SLCO1B3: variants seen among roughly 807,000 people sequenced by gnomAD.
SLCO1B3 encodes solute carrier organic anion transporter family member 1B3, also known as liver-specific organic anion transporter 2.
A neutral mutation model predicts 71.8 loss-of-function variants in SLCO1B3; 72 were observed. The observed-to-expected ratio is 1.00, with a 90% CI of 0.83 to 1.22. The LOEUF is 1.22. SLCO1B3 is among the 50% of genes most tolerant of loss of function. SLCO1B3 has a pLI of 0.00. For synonymous variants in SLCO1B3, 298 were observed against 278.4 expected (o/e 1.07, Z -0.70); for missense variants, 911 against 819.7 (o/e 1.11, Z -1.36).
At chr12:20,860,862 G>A (rs79425652) in intron 5 of SLCO1B3, among the ~76,000 whole-genome samples, 155 bp from the exon 6 acceptor site, 1 of 152,064 alleles carries the variant, frequency 6.6e-6, no homozygotes, top group African/African-American at 2.4e-5. Context: ...CTCATCACCT[G>A]TTCTGAAATA....
intron 3 of SLCO1B3, among the ~76,000 whole-genome samples, chr12:20,853,076 T>C (rs1037172343): frequency 3.3e-5 from 5 of 152,276 alleles, no homozygotes; most frequent in African/African-American, 1.2e-4. Context: ...GATTTAATTT[T>C]GTATGTTAAA....
At chr12:20,904,193 T>C (rs60642787) in intron 15 of SLCO1B3, among the ~76,000 whole-genome samples, 4,820 of 147,074 alleles carry the variant, frequency 0.033, 232 homozygotes, top group African/African-American at 0.11. Context: ...TGGGCCGAGA[T>C]CACACCACTA....
At chr12:20,901,585 T>C (rs559012870) in intron 15 of SLCO1B3, 118 bp downstream of exon 15, 1 of 568,524 alleles carries the variant, frequency 1.8e-6, no homozygotes, top group African/African-American at 1.9e-5. Flanking sequence ...TAGTGAACAA[T>C]TACTTTGTAT....
chr12:20,904,702 G>A (rs1866201179), intron 15 of SLCO1B3, among the ~76,000 whole-genome samples: 1 of 144,190 alleles, frequency 6.9e-6, no homozygotes, highest in Non-Finnish European at 1.5e-5. Context: ...CCCTAGTATA[G>A]GTTTTTCATG....
At chr12:20,869,088 A>G (rs1865428329) in intron 8 of SLCO1B3, among the ~76,000 whole-genome samples, 1 of 152,168 alleles carries the variant, frequency 6.6e-6, no homozygotes, top group South Asian at 2.1e-4. Context: ...GGCAAGCCTG[A>G]CTAATATCAC....
chr12:20,821,885 G>A (rs936490781), intron 3 of SLCO1B3, among the ~76,000 whole-genome samples: 7 of 152,152 alleles, frequency 4.6e-5, no homozygotes, highest in Admixed American at 1.3e-4. Flanking sequence ...TTGGGTCCAC[G>A]GATAAAACAT....
intron 15 of SLCO1B3, 49 bp downstream of exon 15, chr12:20,901,516 G>A (rs972180343): frequency 1.1e-5 from 11 of 960,154 alleles, no homozygotes; most frequent in African/African-American, 8.1e-5. Context: ...CTTTGTCTAT[G>A]TTAATGTCTA....
chr12:20,823,385 T>G (rs543677727), intron 3 of SLCO1B3, among the ~76,000 whole-genome samples: 4 of 152,108 alleles, frequency 2.6e-5, no homozygotes, highest in African/African-American at 9.6e-5. Flanking sequence ...TCAGGAAAAA[T>G]TTTAGACTTT....
At position 20,861,250 on chromosome 12, in the gene SLCO1B3, A is replaced by G. The variant is rs1865260175; in HGVS notation, c.481+112A>G. 4 of 971,048 alleles carry G rather than the reference A, an allele frequency of 4.1e-6. No homozygotes were observed. In the South Asian group the frequency reaches 7.2e-5, roughly 17 times the overall value. The allele number at this position is 971,048 out of a possible 1,614,324, so 60.2% of individuals were successfully genotyped here. On this transcript the variant is annotated intron_variant, in intron 6 of 15. Coordinates refer to ENST00000381545, the MANE Select transcript of SLCO1B3 (RefSeq NM_019844.4). ...TGATTTAAGAACAAATAGGAAGAAC[A>G]TTTATCCCTTACATACAGACAAAAT...
intron 9 of SLCO1B3, among the ~76,000 whole-genome samples, chr12:20,876,050 T>G (rs1426591464): frequency 6.6e-6 from 1 of 150,718 alleles, no homozygotes; most frequent in African/African-American, 2.4e-5. Flanking sequence ...TTCTTGGTAA[T>G]TAAAATTATA....
chr12:20,843,439 A>G (rs1200113231), intron 3 of SLCO1B3, among the ~76,000 whole-genome samples: 1 of 152,192 alleles, frequency 6.6e-6, no homozygotes, highest in African/African-American at 2.4e-5. Context: ...TTGAATGACT[A>G]CATGGCTAAA....
intron 13 of SLCO1B3, among the ~76,000 whole-genome samples, chr12:20,895,011 G>A (rs1406342938): frequency 6.6e-6 from 1 of 152,150 alleles, no homozygotes; most frequent in Non-Finnish European, 1.5e-5. Flanking sequence ...TGCAGGAAAA[G>A]TACGCATTAT....
intron 15 of SLCO1B3, among the ~76,000 whole-genome samples, chr12:20,914,907 C>CT (rs1866462756): frequency 1.3e-5 from 2 of 152,024 alleles, no homozygotes; most frequent in African/African-American, 4.8e-5. Flanking sequence ...ATAAGGTTTG[C>CT]TTTTCCTTTT....
At position 20,860,991 on chromosome 12, in the gene SLCO1B3, T is replaced by C. The variant is rs748414119; in HGVS notation, c.360-26T>C. 4 of 1,540,884 alleles carry C rather than the reference T, an allele frequency of 2.6e-6. No homozygotes were observed. In the East Asian group the frequency reaches 9.4e-5, roughly 36 times the overall value. On this transcript the variant is annotated intron_variant, in intron 5 of 15. Transcript: ENST00000381545. Reference sequence around the variant, plus strand: ...GAAAATATTCAGTAGATAAGCAAAATGTTCAATTTCATGTTGCTCTTACAG... The same window carrying C: ...GAAAATATTCAGTAGATAAGCAAAACGTTCAATTTCATGTTGCTCTTACAG...
At position 20,913,445 on chromosome 12, in the gene SLCO1B3, A is replaced by G. The variant is rs186298589; in HGVS notation, c.1866-2559A>G. ...TGCAGCTCTATCATTTTCTCCTCAC[A>G]TATTTAGACACTCCATTTTTACATG... is the stretch of plus-strand genomic sequence containing the variant. On this transcript the variant is annotated intron_variant, in intron 15 of 15. Transcript: ENST00000381545. 3.9e-5 allele frequency among the ~76,000 whole-genome samples: 6 copies of G among 152,234 alleles called. No homozygotes were observed. In the East Asian group the frequency reaches 1.2e-3, roughly 29 times the overall value.
At chr12:20,911,362 C>T (rs1055566484) in intron 15 of SLCO1B3, among the ~76,000 whole-genome samples, 1 of 152,088 alleles carries the variant, frequency 6.6e-6, no homozygotes, top group Non-Finnish European at 1.5e-5. Flanking sequence ...TTTTTGAGAA[C>T]TTCTGCACCT....
At chr12:20,861,962 G>A (rs1033852037) in intron 6 of SLCO1B3, among the ~76,000 whole-genome samples, 4 of 151,720 alleles carry the variant, frequency 2.6e-5, no homozygotes, top group African/African-American at 4.8e-5. Context: ...ATTTTGTAAC[G>A]ACAAAAGAAG....
chr12:20,824,757 C>G (rs1227309934), intron 3 of SLCO1B3, among the ~76,000 whole-genome samples: 1 of 152,060 alleles, frequency 6.6e-6, no homozygotes, highest in Non-Finnish European at 1.5e-5. Flanking sequence ...CTTTACTATA[C>G]CAAATAAGTC....
chr12:20,823,117 A>G (rs529360288), intron 3 of SLCO1B3, among the ~76,000 whole-genome samples: 3 of 152,296 alleles, frequency 2.0e-5, no homozygotes, highest in African/African-American at 7.2e-5. Flanking sequence ...AGTAGAAGGA[A>G]CAATCCTGGA....
Sources: gnomAD v4.1 joint callset for allele counts (sites outside exome capture counted in the v4.1 genomes callset) on GRCh38, gnomAD v4.1.1 for gene constraint, MANE v1.5 for transcripts, NCBI Gene and HGNC (gene_info 2026-07-23, HGNC 2026-07-21) for gene names.